The following TRIQK variants were observed in gnomAD, a reference collection of about 807,000 sequenced individuals.
The protein encoded by TRIQK is triple QxxK/R motif-containing protein.
TRIQK carries 10 observed loss-of-function variants against 10.8 expected under a neutral mutation model. The observed-to-expected ratio is 0.92, with a 90% CI of 0.57 to 1.57. TRIQK has a LOEUF of 1.57. Ranked by LOEUF, TRIQK falls within the 40% of genes most tolerant of loss-of-function variation. The pLI is 0.00. For missense variants in TRIQK, 107 were observed against 97.7 expected (o/e 1.09, Z -0.40); for synonymous variants, 33 against 33.7 (o/e 0.98, Z 0.07).
intron 3 of TRIQK, among the ~76,000 whole-genome samples, chr8:92,912,056 C>T (rs1179537768): frequency 1.3e-5 from 2 of 151,144 alleles, no homozygotes; most frequent in Non-Finnish European, 3.0e-5. Flanking sequence ...CAGATTTAAA[C>T]AATACTACAG....
intron 1 of TRIQK, among the ~76,000 whole-genome samples, chr8:92,989,566 G>A (rs1813075185): frequency 6.6e-6 from 1 of 152,140 alleles, no homozygotes; most frequent in Non-Finnish European, 1.5e-5. Context: ...CTGATGATCC[G>A]TCACTGTCTC....
intron 1 of TRIQK, among the ~76,000 whole-genome samples, chr8:93,009,093 T>TG (rs1267231090): frequency 6.6e-6 from 1 of 152,158 alleles, no homozygotes; most frequent in African/African-American, 2.4e-5. Context: ...AAAACAGCAA[T>TG]GGGTTACTAT....
chr8:92,890,784 A>G (rs887360307), intron 4 of TRIQK, among the ~76,000 whole-genome samples: 1 of 151,934 alleles, frequency 6.6e-6, no homozygotes, highest in African/African-American at 2.4e-5. Flanking sequence ...AAAGTAAATG[A>G]CATATTGCCT....
At chr8:93,013,288 C>A (rs763315666) in intron 1 of TRIQK, among the ~76,000 whole-genome samples, 8 of 152,140 alleles carry the variant, frequency 5.3e-5, no homozygotes, top group Non-Finnish European at 1.0e-4. Flanking sequence ...CTCATCTCAT[C>A]TAACTTAAAA....
At chr8:92,944,764 G>A (rs1811433890) in intron 2 of TRIQK, among the ~76,000 whole-genome samples, 2 of 152,158 alleles carry the variant, frequency 1.3e-5, no homozygotes, top group South Asian at 4.1e-4. Context: ...GTTACAGTTA[G>A]AAGGAATAAA....
chr8:92,958,505 G>T (rs1249763065), intron 1 of TRIQK, among the ~76,000 whole-genome samples: 4 of 151,764 alleles, frequency 2.6e-5, no homozygotes, highest in African/African-American at 7.3e-5. Flanking sequence ...GATATTACCT[G>T]ATTTTCATCT....
At chr8:92,942,841 C>A (rs2130617049) in intron 2 of TRIQK, among the ~76,000 whole-genome samples, 1 of 152,052 alleles carries the variant, frequency 6.6e-6, no homozygotes, top group Middle Eastern at 3.4e-3. Flanking sequence ...ACTAAAGGTG[C>A]CTGCCACCAC....
intron 2 of TRIQK, among the ~76,000 whole-genome samples, chr8:92,949,820 AAGAAAGAAAG>A (rs1563655467): frequency 2.1e-5 from 3 of 139,926 alleles, no homozygotes; most frequent in African/African-American, 7.8e-5. Flanking sequence ...GAAAGAAAGA[AAGAAAGAAAG>A]AAAGAAAGAA....
intron 1 of TRIQK, among the ~76,000 whole-genome samples, chr8:92,998,395 GAGA>G (rs1393388901): frequency 1.3e-5 from 2 of 152,118 alleles, no homozygotes; most frequent in African/African-American, 2.4e-5. Flanking sequence ...CAATTTGGCA[GAGA>G]AGATTGTTTG....
At chr8:92,942,318 A>G (rs1448153771) in intron 2 of TRIQK, among the ~76,000 whole-genome samples, 1 of 152,218 alleles carries the variant, frequency 6.6e-6, no homozygotes, top group Non-Finnish European at 1.5e-5. Flanking sequence ...CAGCAGATGC[A>G]GAAAAAACAT....
chr8:92,935,769 A>T (rs1221543246), intron 2 of TRIQK, among the ~76,000 whole-genome samples: 2 of 151,504 alleles, frequency 1.3e-5, no homozygotes, highest in Non-Finnish European at 3.0e-5. Context: ...AATATTCAGC[A>T]GAGATTAACA....
chr8:92,901,417 C>A (rs1265375403), intron 3 of TRIQK, among the ~76,000 whole-genome samples: 2 of 152,036 alleles, frequency 1.3e-5, no homozygotes, highest in Non-Finnish European at 2.9e-5. Flanking sequence ...GAGGTATGTT[C>A]CTTCTATACC....
At chr8:92,912,321 C>T (rs1328904440) in intron 3 of TRIQK, among the ~76,000 whole-genome samples, 3 of 151,370 alleles carry the variant, frequency 2.0e-5, no homozygotes, top group Non-Finnish European at 4.4e-5. Context: ...AACCCATGAA[C>T]AATCATTCAG....
intron 1 of TRIQK, among the ~76,000 whole-genome samples, chr8:92,997,796 T>C (rs1813167698): frequency 6.6e-6 from 1 of 152,052 alleles, no homozygotes; most frequent in Non-Finnish European, 1.5e-5. Flanking sequence ...CTGGATTTAG[T>C]TCTGACTTAA....
chr8:92,915,848 A>C (rs1809810605), intron 3 of TRIQK, among the ~76,000 whole-genome samples: 1 of 151,816 alleles, frequency 6.6e-6, no homozygotes, highest in Non-Finnish European at 1.5e-5. Flanking sequence ...AATATTTTTT[A>C]CTTTGTTTGC....
intron 1 of TRIQK, among the ~76,000 whole-genome samples, chr8:92,954,780 T>C (rs1812089155): frequency 1.3e-5 from 2 of 151,920 alleles, no homozygotes; most frequent in Admixed American, 6.6e-5. Flanking sequence ...TTTTATATTA[T>C]TATGAAGGCT....
intron 1 of TRIQK, among the ~76,000 whole-genome samples, chr8:93,003,859 C>T (rs1813239879): frequency 6.6e-6 from 1 of 152,196 alleles, no homozygotes; most frequent in Non-Finnish European, 1.5e-5. Flanking sequence ...AATCTTAAAG[C>T]TTCAAAATAA....
chr8:93,002,707 G>A (rs1813225980), intron 1 of TRIQK, among the ~76,000 whole-genome samples: 1 of 152,042 alleles, frequency 6.6e-6, no homozygotes, highest in Admixed American at 6.5e-5. Flanking sequence ...ATCACCTGAG[G>A]CCAGGATTTC....
intron 1 of TRIQK, among the ~76,000 whole-genome samples, chr8:93,013,927 G>GA (rs1430054385): frequency 6.6e-6 from 1 of 152,044 alleles, no homozygotes; most frequent in East Asian, 1.9e-4. Flanking sequence ...TAAAGAACAT[G>GA]AAAAATACTT....
Sources: allele counts gnomAD v4.1 joint callset (sites outside exome capture counted in the v4.1 genomes callset), GRCh38; gene constraint gnomAD v4.1.1; transcripts MANE v1.5; gene names NCBI Gene and HGNC (gene_info 2026-07-23, HGNC 2026-07-21).